PCDHA4: variants seen among roughly 807,000 people sequenced by gnomAD.
PCDHA4 encodes the protein protocadherin alpha-4.
In PCDHA4, 49 loss-of-function variants were observed where a neutral mutation model predicts 61.4. The ratio of observed to expected loss-of-function variants is 0.80; its 90% CI spans 0.63 to 1.01. PCDHA4 has a LOEUF of 1.01. Among genes scored for constraint, PCDHA4 ranks in the 50% least tolerant of loss-of-function variants. PCDHA4 has a pLI of 0.00. For missense variants in PCDHA4, 1,254 were observed against 1,235.8 expected (o/e 1.01, Z -0.22); for synonymous variants, 590 against 550.3 (o/e 1.07, Z -1.01).
At chr5:140,996,802 T>C (rs1554255415) in intron 3 of PCDHA4, among the ~76,000 whole-genome samples, 1 of 152,218 alleles carries the variant, frequency 6.6e-6, no homozygotes, top group Non-Finnish European at 1.5e-5. Flanking sequence ...CATCCAATCA[T>C]GCTTTCCAAA....
At chr5:140,818,148 C>T (rs1031950816) in intron 1 of PCDHA4, among the ~76,000 whole-genome samples, 23 of 152,282 alleles carry the variant, frequency 1.5e-4, no homozygotes, top group African/African-American at 2.6e-4. Context: ...CCTTCAAATA[C>T]GGCTTCTACT....
At chr5:140,966,885 C>G in intron 1 of PCDHA4, 1 of 1,590,818 alleles carries the variant, frequency 6.3e-7, no homozygotes, top group Non-Finnish European at 8.5e-7. Flanking sequence ...CCTGGCCCTG[C>G]GGCCTCCCAG....
chr5:140,855,468 T>C (rs1160317208), intron 1 of PCDHA4, among the ~76,000 whole-genome samples: 1 of 149,888 alleles, frequency 6.7e-6, no homozygotes, highest in Non-Finnish European at 1.5e-5. Context: ...TCACAGATAG[T>C]TGATGCTTGA....
At chr5:140,928,453 T>C in intron 1 of PCDHA4, 1 of 1,613,888 alleles carries the variant, frequency 6.2e-7, no homozygotes, top group Non-Finnish European at 8.5e-7. Context: ...GCTCAGGGGG[T>C]TTCATTTCCA....
At chr5:140,821,884 G>C in intron 1 of PCDHA4, 33 of 1,614,242 alleles carry the variant, frequency 2.0e-5, no homozygotes, top group Non-Finnish European at 2.7e-5. Flanking sequence ...GATCCCGGAG[G>C]AAGCCAAACA....
At chr5:140,851,826 T>A (rs2042172303) in intron 1 of PCDHA4, 1 of 965,750 alleles carries the variant, frequency 1.0e-6, no homozygotes, top group Non-Finnish European at 1.3e-6. Context: ...GAAATCTGTT[T>A]TTTTAAAAAT....
chr5:140,893,198 C>T (rs1242904411), intron 1 of PCDHA4, among the ~76,000 whole-genome samples: 2 of 152,164 alleles, frequency 1.3e-5, no homozygotes, highest in Admixed American at 6.5e-5. Flanking sequence ...AATAGTGCTG[C>T]AGTAAGTATG....
At chr5:140,848,823 G>C in intron 1 of PCDHA4, 1 of 1,590,794 alleles carries the variant, frequency 6.3e-7, no homozygotes, top group South Asian at 1.1e-5. Context: ...GGAGGTGATC[G>C]TAGACAGGCC....
intron 1 of PCDHA4, chr5:140,836,490 G>T: frequency 6.2e-7 from 1 of 1,613,864 alleles, no homozygotes; most frequent in Non-Finnish European, 8.5e-7. Flanking sequence ...CCTGATCATC[G>T]CCATCTGCGC....
intron 1 of PCDHA4, among the ~76,000 whole-genome samples, chr5:140,872,046 C>T (rs1554166008): frequency 6.6e-6 from 1 of 152,230 alleles, no homozygotes; most frequent in Non-Finnish European, 1.5e-5. Context: ...AGAATTCTCC[C>T]ACTTCAGCCT....
intron 1 of PCDHA4, among the ~76,000 whole-genome samples, chr5:140,925,376 A>G (rs1010003214): frequency 2.0e-5 from 3 of 152,150 alleles, no homozygotes; most frequent in Non-Finnish European, 2.9e-5. Context: ...TCAATAGTCA[A>G]TGAGTCTCCT....
In PCDHA4 at chr5:140,807,459, A is replaced by G. The variant is rs1554124027; in HGVS notation, c.272A>G (p.Asp91Gly). 1 of 1,608,048 alleles carries G rather than the reference A, an allele frequency of 6.2e-7. No homozygotes were observed. Among genetic ancestry groups the G allele is most frequent in the Admixed American group, 1.7e-5 (1 of 59,320 alleles). ...ATTTTGTTTGTGAATTCTCGGATCG[A>G]CCGGGAGGAGCTGTGCCGGCGGAGC... ...NGILFVNSRI[D>G]REELCRRSAE... Residue 91 changes from aspartate (D) to glycine (G), a missense_variant, in exon 1 of 4, where the codon GAC (aspartate) becomes GGC (glycine). Coordinates refer to ENST00000530339, the MANE Select transcript of PCDHA4 (RefSeq NM_018907.4).
rs2150476590 is a variant in PCDHA4, at chr5:140,850,267, T to G, written c.2385+40695T>G. The G allele has an allele frequency of 4.4e-6, 7 of 1,592,494 alleles. 2 individuals carry two copies. Among genetic ancestry groups the G allele is most frequent in the Non-Finnish European group, 6.0e-6 (7 of 1,166,766 alleles). On this transcript the variant is annotated intron_variant, in intron 1 of 3. Coordinates refer to ENST00000530339, the MANE Select transcript of PCDHA4 (RefSeq NM_018907.4). ...CGGTCGGTGGGCGCCGGCGTAGTGG[T>G]GGGGAAGGTGCGCGCAGTGGACGCC...
intron 3 of PCDHA4, 66 bp from the exon 4 acceptor site, chr5:141,009,561 A>C: frequency 6.4e-7 from 1 of 1,571,278 alleles, no homozygotes; most frequent in Non-Finnish European, 8.6e-7. Context: ...CCTGTACTCT[A>C]CCAGCAGTGT....
chr5:140,998,433 C>CTA (rs2097813622), intron 3 of PCDHA4, among the ~76,000 whole-genome samples: 2 of 152,160 alleles, frequency 1.3e-5, no homozygotes, highest in Admixed American at 1.3e-4. Flanking sequence ...TCCTTTAACA[C>CTA]TATTATTGTA....
intron 1 of PCDHA4, among the ~76,000 whole-genome samples, chr5:140,941,191 T>TTTCTTTCTTCCTTTCTTCC (rs1487503403): frequency 1.1e-5 from 1 of 93,258 alleles, no homozygotes; most frequent in African/African-American, 3.9e-5. Flanking sequence ...GCTTCTTTTT[T>TTTCTTTCTTCCTTTCTTCC]TTTCTTTCTT....
chr5:140,933,166 T>C (rs1447932546), intron 1 of PCDHA4, among the ~76,000 whole-genome samples: 1 of 152,002 alleles, frequency 6.6e-6, no homozygotes, highest in African/African-American at 2.4e-5. Context: ...CCAATTTTAA[T>C]TGATGGCATA....
At chr5:140,847,164 T>C (rs1780885642) in intron 1 of PCDHA4, among the ~76,000 whole-genome samples, 1 of 149,534 alleles carries the variant, frequency 6.7e-6, no homozygotes, top group Non-Finnish European at 1.5e-5. Flanking sequence ...TTCTGAGTAA[T>C]AAACTAAAGG....
intron 1 of PCDHA4, chr5:140,869,835 A>T (rs782478328): frequency 1.2e-6 from 2 of 1,611,774 alleles, no homozygotes; most frequent in South Asian, 2.2e-5. Context: ...AGTTTGATAA[A>T]TCAGAATATA....
Sources: gnomAD v4.1 joint callset for allele counts (sites outside exome capture counted in the v4.1 genomes callset) on GRCh38, gnomAD v4.1.1 for gene constraint, MANE v1.5 for transcripts, NCBI Gene and HGNC (gene_info 2026-07-23, HGNC 2026-07-21) for gene names.